The following SPMIP10 variants were observed in gnomAD, a reference collection of about 807,000 sequenced individuals.
SPMIP10 encodes the protein sperm-associated microtubule inner protein 10.
chr5:126,635,267 G>A, the SPMIP10 span, among the ~76,000 whole-genome samples: 1 of 151,560 alleles, frequency 6.6e-6, no homozygotes, highest in African/African-American at 2.4e-5. Flanking sequence ...CAATACTGAA[G>A]AATCAAAAGT....
At chr5:126,632,268 A>C in the SPMIP10 span, among the ~76,000 whole-genome samples, 102 of 147,020 alleles carry the variant, frequency 6.9e-4, no homozygotes, top group African/African-American at 2.5e-3. Context: ...TAAAAAAAAA[A>C]AAAAAAAAAA....
chr5:126,631,799 GTCTC>G, the SPMIP10 span: 4 of 1,610,582 alleles, frequency 2.5e-6, no homozygotes, highest in African/African-American at 1.3e-5. Flanking sequence ...TCTGATGAGA[GTCTC>G]TATAAATCTG....
At chr5:126,634,628 AT>A in the SPMIP10 span, among the ~76,000 whole-genome samples, 1 of 152,164 alleles carries the variant, frequency 6.6e-6, no homozygotes, top group Non-Finnish European at 1.5e-5. Flanking sequence ...CTTTGTTTTG[AT>A]TGCATCAAAA....
the SPMIP10 span, chr5:126,632,427 G>A: frequency 5.3e-5 from 34 of 637,804 alleles, no homozygotes; most frequent in East Asian, 8.3e-5. Context: ...TGGCACAGCC[G>A]TCTGTCCTGC....
the SPMIP10 span, chr5:126,631,847 T>G: frequency 7.4e-6 from 11 of 1,492,072 alleles, no homozygotes; most frequent in Non-Finnish European, 9.3e-6. Flanking sequence ...TTCTGGGGTT[T>G]TTTGTTTGCT....
the SPMIP10 span, chr5:126,636,074 T>G: frequency 1.2e-6 from 2 of 1,614,028 alleles, no homozygotes; most frequent in Non-Finnish European, 1.7e-6. Context: ...TTTAGAAGAC[T>G]CTCTGTTTTT....
the SPMIP10 span, among the ~76,000 whole-genome samples, chr5:126,633,311 A>G: frequency 4.6e-5 from 7 of 152,126 alleles, no homozygotes; most frequent in African/African-American, 1.4e-4. Flanking sequence ...TAGTTTACAC[A>G]TGATTTACCC....
At chr5:126,633,034 A>T in the SPMIP10 span, among the ~76,000 whole-genome samples, 1 of 108,296 alleles carries the variant, frequency 9.2e-6, no homozygotes, top group Non-Finnish European at 1.6e-5. Flanking sequence ...TATATATATA[A>T]TTTAGTATGT....
At chr5:126,632,475 C>A in the SPMIP10 span, 1 of 866,372 alleles carries the variant, frequency 1.2e-6, no homozygotes, top group Non-Finnish European at 2.0e-6. Context: ...CAACTGCCTC[C>A]AGTGCCTGGA....
the SPMIP10 span, chr5:126,631,816 A>G: frequency 1.3e-6 from 2 of 1,597,042 alleles, no homozygotes; most frequent in East Asian, 2.2e-5. Flanking sequence ...TAAATCTGCT[A>G]ATAAGTAAGG....
chr5:126,632,929 G>A, the SPMIP10 span, among the ~76,000 whole-genome samples: 1 of 150,472 alleles, frequency 6.6e-6, no homozygotes, highest in African/African-American at 2.5e-5. Context: ...AGAGGTTGCA[G>A]TAAGCCAAGA....
At chr5:126,635,322 T>G in the SPMIP10 span, among the ~76,000 whole-genome samples, 1 of 152,108 alleles carries the variant, frequency 6.6e-6, no homozygotes, top group African/African-American at 2.4e-5. Context: ...GTTATTTATT[T>G]ATTCAACAGT....
chr5:126,635,978 C>T, the SPMIP10 span: 1 of 1,455,630 alleles, frequency 6.9e-7, no homozygotes, highest in East Asian at 2.3e-5. Context: ...CCTTCTTAAT[C>T]TAACAAGAAA....
the SPMIP10 span, chr5:126,631,952 T>C: frequency 1.1e-5 from 7 of 626,094 alleles, no homozygotes; most frequent in Admixed American, 2.9e-5. Flanking sequence ...GAGGGAAATA[T>C]GTGTGCAGGG....
chr5:126,632,818 C>A, the SPMIP10 span, among the ~76,000 whole-genome samples: 1 of 151,710 alleles, frequency 6.6e-6, no homozygotes, highest in African/African-American at 2.4e-5. Context: ...GGAACCCCAT[C>A]TCTACTAAAA....
At chr5:126,634,342 G>T in the SPMIP10 span, among the ~76,000 whole-genome samples, 1 of 152,170 alleles carries the variant, frequency 6.6e-6, no homozygotes, top group African/African-American at 2.4e-5. Flanking sequence ...TGAGGCAGGA[G>T]AATCGCTTGA....
chr5:126,633,098 C>A, the SPMIP10 span, among the ~76,000 whole-genome samples: 2 of 148,938 alleles, frequency 1.3e-5, no homozygotes, highest in African/African-American at 5.1e-5. Context: ...CTGTCACAAA[C>A]TTGCAAACAA....
At chr5:126,634,341 A>T in the SPMIP10 span, among the ~76,000 whole-genome samples, 18 of 152,270 alleles carry the variant, frequency 1.2e-4, no homozygotes, top group South Asian at 3.7e-3. Context: ...CTGAGGCAGG[A>T]GAATCGCTTG....
the SPMIP10 span, among the ~76,000 whole-genome samples, chr5:126,635,562 C>T: frequency 6.6e-6 from 1 of 152,178 alleles, no homozygotes; most frequent in Non-Finnish European, 1.5e-5. Flanking sequence ...CTGCATGACT[C>T]TTTCTGGTAG....
Sources: gnomAD v4.1 joint callset for allele counts (sites outside exome capture counted in the v4.1 genomes callset) on GRCh38, gnomAD v4.1.1 for gene constraint, MANE v1.5 for transcripts, NCBI Gene and HGNC (gene_info 2026-07-23, HGNC 2026-07-21) for gene names.